DCAF1: variants seen among roughly 807,000 people sequenced by gnomAD.
DCAF1 encodes DDB1- and CUL4-associated factor 1.
Under a neutral mutation model 128.0 loss-of-function variants are expected in DCAF1, and 15 were observed. The observed-to-expected ratio is 0.12, with a 90% CI of 0.08 to 0.18. The LOEUF (loss-of-function observed/expected upper bound fraction) is 0.18, where lower values mean the gene tolerates loss of function less well. Ranked by LOEUF, DCAF1 falls within the 10% of genes least tolerant of loss-of-function variation. The pLI is 1.00. For synonymous variants in DCAF1, 610 were observed against 603.0 expected (o/e 1.01, Z -0.17); for missense variants, 988 against 1,649.5 (o/e 0.60, Z 6.95).
chr3:51,481,867 G>C (rs1275133949), intron 3 of DCAF1, among the ~76,000 whole-genome samples: 1 of 152,102 alleles, frequency 6.6e-6, no homozygotes, highest in Non-Finnish European at 1.5e-5. Context: ...GCGGGCACCT[G>C]TAATCCCAGC....
downstream of DCAF1, chr3:51,395,989 G>T (rs1480080342): frequency 2.4e-6 from 1 of 413,226 alleles, no homozygotes; most frequent in Admixed American, 4.4e-5. Flanking sequence ...TTCCAGGGTA[G>T]CTGGTACCGC....
In DCAF1 at chr3:51,441,666, T is replaced by C. The variant is rs782251859; in HGVS notation, c.745A>G (p.Thr249Ala). The change falls in exon 8 of 25, where the codon ACT becomes GCT. Residue 249 changes from threonine to alanine, a missense_variant. Transcript: ENST00000684031. Reference protein sequence around the residue: ...ISFHLDSGHKTSSRVNSTTKP... With the variant: ...ISFHLDSGHKASSRVNSTTKP... ...GTTGTTGAGTTCACTCTGCTACTAGTCTTGTGGCCTGAATCAAGATGAAAG... is the reference window on the plus strand; with the variant it reads ...GTTGTTGAGTTCACTCTGCTACTAGCCTTGTGGCCTGAATCAAGATGAAAG... The C allele has an allele frequency of 4.3e-6, 7 of 1,613,872 alleles. No individual in the cohort carries two copies. The highest frequency in any genetic ancestry group is 4.5e-5 in the East Asian group (2 of 44,892).
intron 6 of DCAF1, among the ~76,000 whole-genome samples, chr3:51,457,280 T>C (rs370785074): frequency 1.3e-5 from 2 of 152,162 alleles, no homozygotes; most frequent in African/African-American, 4.8e-5. Flanking sequence ...GAAGCCTCAG[T>C]AGCCGATGTG....
intron 4 of DCAF1, among the ~76,000 whole-genome samples, chr3:51,467,498 G>A (rs1466550100): frequency 2.0e-5 from 3 of 152,082 alleles, no homozygotes; most frequent in African/African-American, 2.4e-5. Context: ...GGGGACTGTT[G>A]TGGGGTGGGG....
chr3:51,399,229 C>A (rs930019186), intron 24 of DCAF1, among the ~76,000 whole-genome samples: 43 of 152,234 alleles, frequency 2.8e-4, no homozygotes, highest in African/African-American at 9.9e-4. Context: ...ACAGGCCTGC[C>A]TGACCCCAAG....
chr3:51,456,618 A>C (rs1432251138), intron 6 of DCAF1, among the ~76,000 whole-genome samples: 3 of 152,184 alleles, frequency 2.0e-5, no homozygotes, highest in Non-Finnish European at 4.4e-5. Flanking sequence ...CTGCCTCCTC[A>C]AGTGGGTCCC....
Position 51,420,892 on chromosome 3 carries a change from T to G in DCAF1, c.2078A>C (p.Asp693Ala). The G allele has an allele frequency of 6.2e-7, 1 of 1,614,038 alleles. No individual in the cohort carries two copies. The highest frequency in any genetic ancestry group is 8.5e-7 in the Non-Finnish European group (1 of 1,179,908). ...TTTACCAATACTGGATATTCGGTTA[T>G]CTGGGCCACACACACAATTGATGAT... ...QIIINCVCGP[D>A]NRISSIGKFI... Residue 693 changes from aspartate to alanine, a missense_variant, in exon 15 of 25, where the codon GAT becomes GCT. Physicochemically the swap from Asp to Ala is moderately radical, Grantham distance 126. Coordinates refer to ENST00000684031, the MANE Select transcript of DCAF1 (RefSeq NM_001387579.1). The surrounding 1 kb of genome is among the most constrained non-coding windows in gnomAD (Gnocchi z 6.5).
At chr3:51,492,088 G>A (rs1157371668) in intron 2 of DCAF1, among the ~76,000 whole-genome samples, 1 of 151,414 alleles carries the variant, frequency 6.6e-6, no homozygotes, top group Non-Finnish European at 1.5e-5. Context: ...ACCTGCGGGA[G>A]GCGGAAGTTG....
intron 17 of DCAF1, among the ~76,000 whole-genome samples, chr3:51,417,094 T>G (rs921849936): frequency 6.6e-6 from 1 of 151,954 alleles, no homozygotes; most frequent in East Asian, 1.9e-4. Context: ...CTTAGAGAAA[T>G]GACAAACAGG....
At chr3:51,505,515 G>T in the DCAF1 span, among the ~76,000 whole-genome samples, 1 of 152,134 alleles carries the variant, frequency 6.6e-6, no homozygotes. Context: ...AGGGTGTCAT[G>T]GGCTCTTACC....
intron 10 of DCAF1, 76 bp from the exon 11 acceptor site, chr3:51,430,288 C>T: frequency 4.3e-6 from 3 of 697,280 alleles, no homozygotes; most frequent in Non-Finnish European, 8.0e-6. Flanking sequence ...GAAAATTTGC[C>T]AGTATAGATA....
At chr3:51,501,077 G>A (rs934076998), upstream of DCAF1, among the ~76,000 whole-genome samples, 2 of 152,078 alleles carry the variant, frequency 1.3e-5, no homozygotes, top group Admixed American at 6.6e-5. Flanking sequence ...TCGGCCCCCC[G>A]AAGTGTTGGG....
Position 51,443,834 on chromosome 3 carries a change from C to T in DCAF1, c.445G>A (p.Gly149Arg), listed in dbSNP as rs1701591888. Residue 149 changes from glycine to arginine, a missense_variant, in exon 7 of 25, where the codon GGA (glycine) becomes AGA (arginine). By Grantham distance (125) the Gly-to-Arg change is moderately radical. Coordinates refer to ENST00000684031, the MANE Select transcript of DCAF1 (RefSeq NM_001387579.1). Reference protein sequence around the residue: ...ADQPLRTYSTGLLGGAMENQD... With the variant: ...ADQPLRTYSTRLLGGAMENQD... ...TTTTCCATAGCACCTCCTAACAGTCCAGTAGAATATGTCCTCAATGGTTGA... is the reference window on the plus strand; with the variant it reads ...TTTTCCATAGCACCTCCTAACAGTCTAGTAGAATATGTCCTCAATGGTTGA... The T allele has an allele frequency of 6.2e-7, 1 of 1,612,600 alleles. No homozygotes were observed. Among genetic ancestry groups the T allele is most frequent in the Non-Finnish European group, 8.5e-7 (1 of 1,179,592 alleles).
chr3:51,491,219 G>A (rs889049171), intron 2 of DCAF1, among the ~76,000 whole-genome samples: 12 of 151,318 alleles, frequency 7.9e-5, no homozygotes, highest in African/African-American at 2.7e-4. Context: ...GTGTTGGCAC[G>A]CACCTGTAAT....
At chr3:51,458,352 A>G (rs1553643512) in intron 6 of DCAF1, among the ~76,000 whole-genome samples, 1 of 152,194 alleles carries the variant, frequency 6.6e-6, no homozygotes, top group Non-Finnish European at 1.5e-5. Flanking sequence ...TCAATTCAAC[A>G]AGAAGAGCTA....
chr3:51,441,629 T>G lies in DCAF1; in HGVS notation c.782A>C (p.Asp261Ala). ...TGACTTGTTTTTCTTTAATCCTCCA[T>G]CCTCAGGTTTGGTTGTTGAGTTCAC... ...SRVNSTTKPE[D>A]GGLKKNKSAK... The change falls in exon 8 of 25, where the codon GAT becomes GCT. Residue 261 changes from aspartate to alanine, a missense_variant. By Grantham distance (126) the Asp-to-Ala change is moderately radical. Around this residue, in one of 11 missense-constraint regions of DCAF1, gnomAD observed 210 missense variants for 260.2 expected, o/e 0.81. Transcript: ENST00000684031. 6.2e-7 allele frequency: 1 copy of G among 1,613,966 alleles called. No individual in the cohort carries two copies.
In DCAF1 at chr3:51,483,899, G is replaced by A. The variant is rs553555795; in HGVS notation, c.-8-63C>T. The A allele has an allele frequency of 1.7e-5, 20 of 1,156,248 alleles. No individual in the cohort carries two copies. In the African/African-American group the frequency reaches 2.8e-4, roughly 16 times the overall value. 71.6% of individuals were successfully genotyped at this position (1,156,248 alleles called of 1,614,324 possible). A position where few individuals can be genotyped will look rare whatever the true frequency, so the allele number is the denominator to read the frequency against. ...TAAATGAACACAAGCAAATAAAAGT[G>A]AAGAAGGGGTAGAAAAGGACGAGAA... On this transcript the variant is annotated intron_variant, in intron 2 of 24. Coordinates refer to ENST00000684031, the MANE Select transcript of DCAF1 (RefSeq NM_001387579.1).
At chr3:51,428,485 C>T (rs1553634685) in intron 12 of DCAF1, among the ~76,000 whole-genome samples, 1 of 151,878 alleles carries the variant, frequency 6.6e-6, no homozygotes, top group African/African-American at 2.4e-5. Flanking sequence ...CCACAGGGCC[C>T]AGCCAATTTT....
chr3:51,483,395 A>C (rs1706498830), intron 3 of DCAF1, among the ~76,000 whole-genome samples: 1 of 151,576 alleles, frequency 6.6e-6, no homozygotes, highest in Admixed American at 6.6e-5. Context: ...AGCCGAGATC[A>C]CACCATTGTA....
Sources: allele counts gnomAD v4.1 joint callset (sites outside exome capture counted in the v4.1 genomes callset), GRCh38; gene constraint gnomAD v4.1.1; regional missense constraint gnomAD v4.1.1; non-coding constraint Gnocchi (gnomAD v3.1); transcripts MANE v1.5; gene names NCBI Gene and HGNC (gene_info 2026-07-23, HGNC 2026-07-21).